Variants in KLHL5 observed in about 807,000 individuals in gnomAD.
KLHL5 encodes the protein kelch like family member 5, also known as kelch-like protein 5.
In KLHL5, 48 loss-of-function variants were observed where a neutral mutation model predicts 77.7. The observed-to-expected ratio is 0.62, with a 90% CI of 0.49 to 0.79. The LOEUF is 0.79. KLHL5 is among the 30% of genes least tolerant of loss of function. The pLI, the probability that KLHL5 is intolerant of heterozygous loss-of-function variation, is 0.00. For synonymous variants in KLHL5, 260 were observed against 297.0 expected (o/e 0.88, Z 1.28); for missense variants, 723 against 859.7 (o/e 0.84, Z 1.99).
Position 39,110,564 on chromosome 4 carries a change from G to A in KLHL5, c.1689-2456G>A, listed in dbSNP as rs536236954. On this transcript the variant is annotated intron_variant, in intron 8 of 10. Transcript: ENST00000504108. ...GCCTCAACCTCCCTCCCAGGCTCAA[G>A]CTATCCTCACACCTCAGCCTCCTGA... 2.0e-5 allele frequency among the ~76,000 whole-genome samples: 3 copies of A among 152,154 alleles called. No individual in the cohort carries two copies. In the South Asian group the frequency reaches 6.2e-4, roughly 32 times the overall value.
At position 39,124,025 on chromosome 4, in the gene KLHL5, A is replaced by C. The variant is rs796771240; in HGVS notation, c.*2959A>C. On this transcript the variant is annotated 3_prime_UTR_variant, in exon 11 of 11. Coordinates refer to ENST00000504108, the MANE Select transcript of KLHL5 (RefSeq NM_015990.5). ...AAGATCAACACACAAAAGTCTAAGAAAAACCTGAGGGGAAATTAAAACAAT... is the reference window on the plus strand; with the variant it reads ...AAGATCAACACACAAAAGTCTAAGACAAACCTGAGGGGAAATTAAAACAAT... Among the ~76,000 whole-genome samples, 21 of 152,302 alleles carry C rather than the reference A, an allele frequency of 1.4e-4. 1 individual carries two copies. The highest frequency in any genetic ancestry group is 4.8e-4 in the African/African-American group (20 of 41,572).
intron 6 of KLHL5, among the ~76,000 whole-genome samples, chr4:39,098,831 T>C (rs1237833066): frequency 6.6e-6 from 1 of 151,892 alleles, no homozygotes; most frequent in Non-Finnish European, 1.5e-5. Context: ...TCCAAAGTGC[T>C]GGCATTACAG....
At chr4:39,134,663 G>A in the KLHL5 span, among the ~76,000 whole-genome samples, 1 of 152,148 alleles carries the variant, frequency 6.6e-6, no homozygotes, top group Non-Finnish European at 1.5e-5. Context: ...TCTGCCTATG[G>A]TGTGCCTGAA....
At chr4:39,068,778 G>A (rs1718135833) in intron 1 of KLHL5, among the ~76,000 whole-genome samples, 2 of 102,404 alleles carry the variant, frequency 2.0e-5, no homozygotes, top group Admixed American at 2.2e-4. Context: ...AGAGAGTGAA[G>A]TTTTAAGTGT....
intron 1 of KLHL5, among the ~76,000 whole-genome samples, chr4:39,050,502 T>C (rs140436347): frequency 0.012 from 1,788 of 152,344 alleles, 19 homozygotes; most frequent in Middle Eastern, 0.031. Context: ...TTCTTTCTTC[T>C]TTTTCTCTAT....
the KLHL5 span, among the ~76,000 whole-genome samples, chr4:39,137,518 G>A: frequency 6.6e-6 from 1 of 152,100 alleles, no homozygotes; most frequent in Admixed American, 6.5e-5. Context: ...CAGCTACTTG[G>A]GAGGCTGAGG....
At chr4:39,069,347 G>A (rs1718188436) in intron 1 of KLHL5, among the ~76,000 whole-genome samples, 1 of 151,398 alleles carries the variant, frequency 6.6e-6, no homozygotes, top group African/African-American at 2.4e-5. Context: ...AATCAACAGA[G>A]TGCAGGAAGT....
chr4:39,142,031 C>T, the KLHL5 span, among the ~76,000 whole-genome samples: 1 of 152,150 alleles, frequency 6.6e-6, no homozygotes, highest in African/African-American at 2.4e-5. Flanking sequence ...CTCACGACCA[C>T]CTCCACCATT....
At chr4:39,089,040 A>G (rs1720295341) in intron 5 of KLHL5, among the ~76,000 whole-genome samples, 1 of 152,180 alleles carries the variant, frequency 6.6e-6, no homozygotes, top group South Asian at 2.1e-4. Flanking sequence ...TTTATTTCAG[A>G]AATTTTATTT....
chr4:39,097,879 T>C (rs1349952016), intron 6 of KLHL5, among the ~76,000 whole-genome samples: 1 of 152,096 alleles, frequency 6.6e-6, no homozygotes, highest in Non-Finnish European at 1.5e-5. Flanking sequence ...GCCTGTAATC[T>C]TAGCACTTTG....
At chr4:39,074,046 A>G (rs960696942) in intron 1 of KLHL5, among the ~76,000 whole-genome samples, 1 of 152,136 alleles carries the variant, frequency 6.6e-6, no homozygotes, top group Admixed American at 6.5e-5. Flanking sequence ...ATTCTCATTT[A>G]TTTGTATAAG....
At chr4:39,141,589 G>A in the KLHL5 span, among the ~76,000 whole-genome samples, 3 of 152,118 alleles carry the variant, frequency 2.0e-5, no homozygotes, top group African/African-American at 7.2e-5. Flanking sequence ...GGGATTACAG[G>A]CATGAGCCAC....
At chr4:39,114,721 G>A (rs6829450) in intron 9 of KLHL5, among the ~76,000 whole-genome samples, 80,260 of 152,008 alleles carry the variant, frequency 0.53, 21,736 homozygotes, top group Non-Finnish European at 0.6. Flanking sequence ...AGATTTTAGG[G>A]GCAGTATCAG....
intron 5 of KLHL5, among the ~76,000 whole-genome samples, chr4:39,090,799 T>C (rs1257662920): frequency 6.6e-6 from 1 of 151,796 alleles, no homozygotes; most frequent in African/African-American, 2.4e-5. Context: ...GAAGTATTTA[T>C]GGTCATTTTA....
At chr4:39,109,107 A>G (rs1722255441) in intron 8 of KLHL5, among the ~76,000 whole-genome samples, 1 of 152,182 alleles carries the variant, frequency 6.6e-6, no homozygotes, top group East Asian at 1.9e-4. Flanking sequence ...TTGATTTTGA[A>G]TGTATAGTAT....
chr4:39,045,804 G>T (rs1419130971), intron 1 of KLHL5, among the ~76,000 whole-genome samples: 1 of 151,940 alleles, frequency 6.6e-6, no homozygotes, highest in Non-Finnish European at 1.5e-5. Flanking sequence ...TACAAAAGGG[G>T]CAGACAGGCT....
chr4:39,119,282 T>C (rs894072818), intron 10 of KLHL5, among the ~76,000 whole-genome samples: 2 of 152,128 alleles, frequency 1.3e-5, no homozygotes, highest in Non-Finnish European at 2.9e-5. Context: ...TATCATAGTG[T>C]CTGAAAAATA....
At chr4:39,099,708 T>C (rs942933020) in intron 6 of KLHL5, among the ~76,000 whole-genome samples, 1 of 152,202 alleles carries the variant, frequency 6.6e-6, no homozygotes, top group African/African-American at 2.4e-5. Context: ...GACCATTCAA[T>C]AGCAACCCCC....
intron 1 of KLHL5, among the ~76,000 whole-genome samples, chr4:39,047,066 A>G (rs534127508): frequency 1.8e-4 from 28 of 152,332 alleles, no homozygotes; most frequent in Admixed American, 6.5e-4. Context: ...GTATTTTGTA[A>G]TATTTTCCAA....
Sources: allele counts gnomAD v4.1 joint callset (sites outside exome capture counted in the v4.1 genomes callset), GRCh38; gene constraint gnomAD v4.1.1; transcripts MANE v1.5; gene names NCBI Gene and HGNC (gene_info 2026-07-23, HGNC 2026-07-21).